Variants in RGL1 observed in about 807,000 individuals in gnomAD.
RGL1 encodes the protein ral guanine nucleotide dissociation stimulator like 1, also known as ral guanine nucleotide dissociation stimulator-like 1.
A neutral mutation model predicts 95.2 loss-of-function variants in RGL1; 24 were observed. The observed-to-expected ratio is 0.25, with a 90% CI of 0.18 to 0.35. The LOEUF (loss-of-function observed/expected upper bound fraction) is 0.35, where lower values mean the gene tolerates loss of function less well. Ranked by LOEUF, RGL1 falls within the 10% of genes least tolerant of loss-of-function variation. RGL1 has a pLI of 1.00. For missense variants in RGL1, 715 were observed against 936.3 expected (o/e 0.76, Z 3.08); for synonymous variants, 329 against 344.9 (o/e 0.95, Z 0.51).
intron 2 of RGL1, among the ~76,000 whole-genome samples, chr1:183,843,839 G>GTTTC (rs1664229739): frequency 6.7e-6 from 1 of 150,160 alleles, no homozygotes; most frequent in Non-Finnish European, 1.5e-5. Context: ...TTGTTTGTTT[G>GTTTC]CTTTTGAGAT....
At position 183,925,544 on chromosome 1, in the gene RGL1, A is replaced by T. The variant is rs867053060; in HGVS notation, c.2120-561A>T. ...CATGTATCCCAAAACTTAAAGTAAA[A>T]TTTTTTTAAAAAAATATACATACTT... On this transcript the variant is annotated intron_variant, in intron 17 of 17. Transcript: ENST00000360851. 3.5e-4 allele frequency among the ~76,000 whole-genome samples: 53 copies of T among 152,036 alleles called. No homozygotes were observed. The Middle Eastern group carries it at 0.01, about 29-fold the overall frequency.
rs1553265192 is a variant in RGL1, at chr1:183,643,262, T to TTTGTTTGTTTA, written c.-33+6763_-33+6764insGTTTGTTTATT. ...GAACTATCTCTTTGAGGTCCTGTTT[T>TTTGTTTGTTTA]TTTATTTATTTATTTATTTATTTAT... On this transcript the variant is annotated intron_variant, in intron 1 of 18. Coordinates refer to the RGL1 transcript ENST00000304685. Among the ~76,000 whole-genome samples, 149 of 136,496 alleles carry TTTGTTTGTTTA rather than the reference T, an allele frequency of 1.1e-3. 1 individual carries two copies. The highest frequency in any genetic ancestry group is 3.0e-3 in the Admixed American group (41 of 13,840). 89.5% of individuals were successfully genotyped at this position (136,496 alleles called of 152,430 possible).
intron 1 of RGL1, chr1:183,648,788 A>T (rs769161091): frequency 8.9e-6 from 14 of 1,572,772 alleles, no homozygotes; most frequent in Admixed American, 3.8e-5. Flanking sequence ...CCATTGCTAG[A>T]TTTACTGTCT....
chr1:183,838,519 G>A (rs1663819025), intron 2 of RGL1, among the ~76,000 whole-genome samples: 1 of 152,348 alleles, frequency 6.6e-6, no homozygotes, highest in East Asian at 1.9e-4. Context: ...GTGGCTTCAA[G>A]CAAGGTCAAC....
At chr1:183,845,129 TTTAA>T (rs1435330861) in intron 2 of RGL1, among the ~76,000 whole-genome samples, 1 of 152,126 alleles carries the variant, frequency 6.6e-6, no homozygotes, top group Non-Finnish European at 1.5e-5. Context: ...GTGTCTCTTC[TTTAA>T]TTTTCACATG....
intron 3 of RGL1, among the ~76,000 whole-genome samples, chr1:183,849,684 CT>C (rs1228846295): frequency 1.3e-5 from 2 of 151,486 alleles, no homozygotes; most frequent in African/African-American, 4.9e-5. Context: ...AAAGACAGGG[CT>C]TTACCATGTT....
At chr1:183,655,485 G>T (rs1056679212) in intron 1 of RGL1, among the ~76,000 whole-genome samples, 1 of 152,170 alleles carries the variant, frequency 6.6e-6, no homozygotes, top group African/African-American at 2.4e-5. Flanking sequence ...GTGATAAAAG[G>T]AACTGAATTT....
chr1:183,739,574 T>C (rs1468040922), intron 1 of RGL1, among the ~76,000 whole-genome samples: 1 of 152,222 alleles, frequency 6.6e-6, no homozygotes, highest in African/African-American at 2.4e-5. Context: ...TGGTATGCAG[T>C]GGAAGCTCAA....
intron 1 of RGL1, among the ~76,000 whole-genome samples, chr1:183,706,847 G>A (rs1479451824): frequency 1.3e-5 from 2 of 152,200 alleles, no homozygotes; most frequent in African/African-American, 4.8e-5. Context: ...GTGGTTTGAA[G>A]GCTGTCGTCA....
intron 2 of RGL1, among the ~76,000 whole-genome samples, chr1:183,761,525 C>G (rs1658665084): frequency 6.6e-6 from 1 of 152,184 alleles, no homozygotes; most frequent in Non-Finnish European, 1.5e-5. Flanking sequence ...GTGCTATCAT[C>G]TAGGCTTTAT....
intron 2 of RGL1, among the ~76,000 whole-genome samples, chr1:183,788,933 C>T (rs1660312796): frequency 6.6e-6 from 1 of 152,220 alleles, no homozygotes; most frequent in African/African-American, 2.4e-5. Flanking sequence ...CCACCCCTTC[C>T]ACTACAACTT....
chr1:183,776,790 C>T (rs1240853637), intron 2 of RGL1, among the ~76,000 whole-genome samples: 1 of 152,158 alleles, frequency 6.6e-6, no homozygotes, highest in Admixed American at 6.5e-5. Flanking sequence ...CATGAAAGGC[C>T]ATGAAGCTTT....
chr1:183,719,167 G>C (rs1572327515), intron 1 of RGL1, among the ~76,000 whole-genome samples: 1 of 152,280 alleles, frequency 6.6e-6, no homozygotes, highest in East Asian at 1.9e-4. Context: ...TTGCTGAACT[G>C]GAGTAGCACT....
At chr1:183,670,188 G>T (rs760870849) in intron 1 of RGL1, among the ~76,000 whole-genome samples, 17 of 152,184 alleles carry the variant, frequency 1.1e-4, no homozygotes, top group Non-Finnish European at 2.1e-4. Context: ...GGGAAGGAAT[G>T]ACTTAGAAGG....
intron 2 of RGL1, among the ~76,000 whole-genome samples, chr1:183,838,974 G>A (rs1162380702): frequency 6.6e-6 from 1 of 152,200 alleles, no homozygotes; most frequent in African/African-American, 2.4e-5. Flanking sequence ...GCCTTGATAT[G>A]TTTGTATAAT....
intron 9 of RGL1, among the ~76,000 whole-genome samples, chr1:183,897,543 C>T (rs184697029): frequency 2.7e-5 from 4 of 148,550 alleles, no homozygotes; most frequent in Admixed American, 6.7e-5. Flanking sequence ...AGTGAGACTT[C>T]GTCTCAAAAA....
chr1:183,654,638 A>G (rs1199197723), intron 1 of RGL1, among the ~76,000 whole-genome samples: 1 of 152,212 alleles, frequency 6.6e-6, no homozygotes, highest in Non-Finnish European at 1.5e-5. Context: ...GACAAAAAAT[A>G]TAGTCCCCAA....
At chr1:183,873,007 G>A (rs1369678274) in intron 4 of RGL1, among the ~76,000 whole-genome samples, 2 of 152,112 alleles carry the variant, frequency 1.3e-5, no homozygotes, top group Non-Finnish European at 2.9e-5. Flanking sequence ...ATCCCTACAG[G>A]ACAAAGAAGA....
At chr1:183,667,593 TG>T (rs1262381329) in intron 1 of RGL1, among the ~76,000 whole-genome samples, 2 of 152,216 alleles carry the variant, frequency 1.3e-5, no homozygotes, top group Admixed American at 1.3e-4. Flanking sequence ...CCCAAAGTGC[TG>T]GGATTACAGG....
Sources: gnomAD v4.1 joint callset for allele counts (sites outside exome capture counted in the v4.1 genomes callset) on GRCh38, gnomAD v4.1.1 for gene constraint, MANE v1.5 for transcripts, NCBI Gene and HGNC (gene_info 2026-07-23, HGNC 2026-07-21) for gene names.